SLC9A6: variants seen among roughly 807,000 people sequenced by gnomAD.
The protein encoded by SLC9A6 is solute carrier family 9 member A6.
SLC9A6 carries 6 observed loss-of-function variants against 45.3 expected under a neutral mutation model. The ratio of observed to expected loss-of-function variants is 0.13; its 90% CI spans 0.07 to 0.26. The LOEUF (loss-of-function observed/expected upper bound fraction) is 0.26, where lower values mean the gene tolerates loss of function less well. SLC9A6 is among the 10% of genes least tolerant of loss of function. SLC9A6 has a pLI of 1.00. For synonymous variants in SLC9A6, 191 were observed against 187.7 expected (o/e 1.02, Z -0.14); for missense variants, 278 against 503.7 (o/e 0.55, Z 4.29).
chrX:136,009,907 G>T (rs1456354655), intron 7 of SLC9A6, among the ~76,000 whole-genome samples: 1 of 112,018 alleles, frequency 8.9e-6, no homozygotes, highest in Admixed American at 9.5e-5. Context: ...CCATTTCAGT[G>T]AATGAATAGA....
chrX:135,985,518 T>A lies in SLC9A6; in HGVS notation c.-57+41T>A. ...GGGGGGAGACATGGCTCGGCGCGGC[T>A]GGCGGCGGGCACCCCTCCGCCGTGG... On this transcript the variant is annotated intron_variant, in intron 1 of 17. Transcript: ENST00000630721. The A allele has an allele frequency of 1.8e-6, 2 of 1,119,055 alleles. No homozygotes were observed. Among genetic ancestry groups the A allele is most frequent in the Non-Finnish European group, 2.3e-6 (2 of 854,723 alleles). 92.2% of individuals were successfully genotyped at this position (1,119,055 alleles called of 1,213,427 possible).
chrX:136,031,203 C>T (rs2071313728), intron 15 of SLC9A6, among the ~76,000 whole-genome samples: 2 of 111,892 alleles, frequency 1.8e-5, no homozygotes. Context: ...CTCAGTGCCT[C>T]CTCCCTGTGT....
At chrX:136,018,818 G>A (rs1238443178) in intron 11 of SLC9A6, among the ~76,000 whole-genome samples, 2 of 110,262 alleles carry the variant, frequency 1.8e-5, no homozygotes, top group Non-Finnish European at 3.8e-5. Flanking sequence ...ACTCTAGATA[G>A]GATCTCTGTT....
chrX:136,028,777 T>C (rs782110413), intron 13 of SLC9A6, 109 bp from the exon 14 acceptor site: 67 of 271,623 alleles, frequency 2.5e-4, no homozygotes, highest in Non-Finnish European at 4.2e-4. Context: ...TTCAGTGTTA[T>C]TTGTGTTCTG....
chrX:135,997,147 C>T (rs1464115878), intron 3 of SLC9A6, among the ~76,000 whole-genome samples: 1 of 110,891 alleles, frequency 9.0e-6, no homozygotes, highest in East Asian at 2.8e-4. Flanking sequence ...TCCTCCGCCT[C>T]CCAGGTTCAA....
chrX:136,005,462 C>A (rs969472515), intron 7 of SLC9A6, among the ~76,000 whole-genome samples: 16 of 112,250 alleles, frequency 1.4e-4, no homozygotes, highest in Non-Finnish European at 2.3e-4. Flanking sequence ...GGGCGGATCA[C>A]CTGAGGTCAG....
rs549622735 is a variant in SLC9A6 at position 136,008,028 on chromosome X, G to T, written c.744-2414G>T. ...GAGCAACATGTAAAATGAGCCATAG[G>T]TATAGTAATAGTCTATTTTTAGAAA... On this transcript the variant is annotated intron_variant, in intron 7 of 17. Transcript: ENST00000630721. Among the ~76,000 whole-genome samples the T allele has an allele frequency of 2.7e-5, 3 of 111,352 alleles. No homozygotes were observed. In the South Asian group the frequency reaches 1.1e-3, roughly 42 times the overall value.
intron 11 of SLC9A6, among the ~76,000 whole-genome samples, chrX:136,020,445 G>A (rs782048265): frequency 2.7e-5 from 3 of 111,377 alleles, no homozygotes; most frequent in Non-Finnish European, 5.7e-5. Flanking sequence ...TCCGCCTCCC[G>A]GGTCCAGGCG....
intron 7 of SLC9A6, among the ~76,000 whole-genome samples, chrX:136,004,109 G>A (rs1463261279): frequency 6.7e-5 from 4 of 59,454 alleles, no homozygotes; most frequent in Admixed American, 2.5e-4. Flanking sequence ...TTTTTTTTGA[G>A]ACAGAGCTTT....
chrX:135,973,969 A>C (rs1556612964), upstream of SLC9A6: 1 of 1,049,237 alleles, frequency 9.5e-7, no homozygotes, highest in East Asian at 4.2e-5. Flanking sequence ...CGAAAGCGGG[A>C]GCTACGGGGA....
rs782296172 is a variant in SLC9A6, at chrX:135,985,673, C to G, written c.15C>G (p.Ile5Met). The part of the protein sequence containing the change: MDEE[I>M]VSEKQAEESH... ...AGGCTAGAGCCATGGACGAGGAGAT[C>G]GTGTCCGAGAAGCAAGCCGAGGAGA... is the stretch of plus-strand genomic sequence containing the variant. Residue 5 changes from isoleucine (I) to methionine (M), a missense_variant, in exon 2 of 18, where the codon ATC becomes ATG. Ile to Met is a conservative substitution (Grantham distance 10, BLOSUM62 1). This residue lies in a region of SLC9A6 where 118 missense variants were observed against 209.9 expected (regional missense o/e 0.56). Transcript: ENST00000630721. 53 of 1,210,056 alleles carry G rather than the reference C, an allele frequency of 4.4e-5. No individual in the cohort carries two copies. Among genetic ancestry groups the G allele is most frequent in the Non-Finnish European group, 5.7e-5 (51 of 895,162 alleles).
chrX:136,028,470 T>A (rs2071265928), intron 13 of SLC9A6, among the ~76,000 whole-genome samples: 1 of 112,378 alleles, frequency 8.9e-6, no homozygotes, highest in Non-Finnish European at 1.9e-5. Flanking sequence ...CTGTGCCTAG[T>A]ACAGTGCCTG....
chrX:136,015,886 T>TCATAGTAACAAGC (rs369660059), intron 10 of SLC9A6, among the ~76,000 whole-genome samples: 8,031 of 110,602 alleles, frequency 0.073, 328 homozygotes, highest in African/African-American at 0.15. Flanking sequence ...GTCAGAGGGC[T>TCATAGTAACAAGC]CATTGTAGAT....
At chrX:135,990,888 A>G (rs2089419539) in intron 2 of SLC9A6, among the ~76,000 whole-genome samples, 2 of 111,999 alleles carry the variant, frequency 1.8e-5, no homozygotes, top group Non-Finnish European at 3.8e-5. Context: ...TGATTTTTGC[A>G]TGTAAATATA....
intron 1 of SLC9A6, chrX:135,974,887 A>G (rs1556613163): frequency 3.8e-6 from 1 of 263,465 alleles, no homozygotes; most frequent in African/African-American, 2.9e-5. Context: ...AGGAAATTTT[A>G]AAATGCTAAT....
chrX:135,998,812 C>T (rs781854578), intron 5 of SLC9A6, 44 bp from the exon 6 acceptor site: 3 of 941,684 alleles, frequency 3.2e-6, no homozygotes, highest in African/African-American at 1.9e-5. Context: ...ATTTTTTTAA[C>T]AGTTGATATT....
chrX:136,024,514 A>AT (rs1556620369), intron 13 of SLC9A6, 31 bp downstream of exon 13: 1 of 1,147,094 alleles, frequency 8.7e-7, no homozygotes. Flanking sequence ...TCATTTTAAG[A>AT]TTAAATTTTA....
At position 136,017,825 on chromosome X, in the gene SLC9A6, G is replaced by C. The variant is rs184729871; in HGVS notation, c.1194+1067G>C. ...GGAGCAGCTCATCTGGGTGATTCTG[G>C]CTCCAGGATCTCTTAAGAGGTCGCA... is the stretch of plus-strand genomic sequence containing the variant. On this transcript the variant is annotated intron_variant, in intron 11 of 17. Coordinates refer to ENST00000630721, the MANE Select transcript of SLC9A6 (RefSeq NM_001379110.1). 3.7e-4 allele frequency among the ~76,000 whole-genome samples: 41 copies of C among 111,636 alleles called. No homozygotes were observed. In the Admixed American group the frequency reaches 3.9e-3, roughly 11 times the overall value.
intron 16 of SLC9A6, among the ~76,000 whole-genome samples, chrX:136,034,401 A>G (rs1192139511): frequency 2.7e-5 from 3 of 111,702 alleles, no homozygotes; most frequent in Non-Finnish European, 5.6e-5. Flanking sequence ...ATTGTCTTCC[A>G]CAAAACCGGT....
Sources: gnomAD v4.1 joint callset for allele counts (sites outside exome capture counted in the v4.1 genomes callset) on GRCh38, gnomAD v4.1.1 for gene constraint, gnomAD v4.1.1 regional missense constraint, MANE v1.5 for transcripts, NCBI Gene and HGNC (gene_info 2026-07-23, HGNC 2026-07-21) for gene names.